The following SH3TC2 variants were observed in gnomAD, a reference collection of about 807,000 sequenced individuals.
SH3TC2 encodes SH3 domain and tetratricopeptide repeat-containing protein 2.
Under a neutral mutation model 124.5 loss-of-function variants are expected in SH3TC2, and 87 were observed. That is an observed-to-expected ratio of 0.70 (90% confidence interval 0.59 to 0.84). The LOEUF (loss-of-function observed/expected upper bound fraction) is 0.84, where lower values mean the gene tolerates loss of function less well. Among genes scored for constraint, SH3TC2 ranks in the 40% least tolerant of loss-of-function variants. The pLI, the probability that SH3TC2 is intolerant of heterozygous loss-of-function variation, is 0.00. For synonymous variants in SH3TC2, 634 were observed against 628.5 expected, an observed-to-expected ratio of 1.01 and a Z score of -0.13; for missense variants, 1,536 against 1,566.4, an observed-to-expected ratio of 0.98 and a Z score of 0.33.
At position 148,991,970 on chromosome 5, in the gene SH3TC2, G is replaced by A. The variant is rs1753426621; in HGVS notation, c.*12741C>T. On this transcript the variant is annotated 3_prime_UTR_variant, in exon 17 of 17. Transcript: ENST00000515425. Reference sequence around the variant, plus strand: ...AGAGCAACCCTAACATGTGTTGGGTGACCATGGGTAAGGCTTTCCCTTTTC... The same window carrying A: ...AGAGCAACCCTAACATGTGTTGGGTAACCATGGGTAAGGCTTTCCCTTTTC... Among the ~76,000 whole-genome samples, 8 of 152,174 alleles carry A rather than the reference G, an allele frequency of 5.3e-5. No homozygotes were observed. Among genetic ancestry groups the A allele is most frequent in the Admixed American group, 5.2e-4 (8 of 15,280 alleles).
chr5:149,026,248 A>C (rs1754060603), intron 12 of SH3TC2: 1 of 348,626 alleles, frequency 2.9e-6, no homozygotes, highest in Non-Finnish European at 5.4e-6. Flanking sequence ...GGCATTACTG[A>C]GACCTATCTA....
rs540778416 is a variant in SH3TC2 at position 149,054,383 on chromosome 5, G to A, written c.53-2143C>T. Reference sequence around the variant, plus strand: ...TTTATTTTACCTATGAATCACCTATGGATATTGATAAAATGCTGATTCTGC... The same window carrying A: ...TTTATTTTACCTATGAATCACCTATAGATATTGATAAAATGCTGATTCTGC... On this transcript the variant is annotated intron_variant, in intron 1 of 16. Coordinates refer to ENST00000515425, the MANE Select transcript of SH3TC2 (RefSeq NM_024577.4). Among the ~76,000 whole-genome samples the A allele has an allele frequency of 2.0e-5, 3 of 152,162 alleles. No homozygotes were observed. The East Asian group carries it at 5.8e-4, about 29-fold the overall frequency.
Position 148,983,428 on chromosome 5 carries a change from A to G in SH3TC2, c.*21283T>C, listed in dbSNP as rs1335221227. Among the ~76,000 whole-genome samples, 3 of 152,176 alleles carry G rather than the reference A, an allele frequency of 2.0e-5. No individual in the cohort carries two copies. The highest frequency in any genetic ancestry group is 4.4e-5 in the Non-Finnish European group (3 of 68,034). ...GGAGATAGCAAGGAGCACCAAGAAAAAATTTGCTGGGAATAGGAGCATCTT... is the reference window on the plus strand; with the variant it reads ...GGAGATAGCAAGGAGCACCAAGAAAGAATTTGCTGGGAATAGGAGCATCTT... On this transcript the variant is annotated 3_prime_UTR_variant, in exon 17 of 17. Coordinates refer to ENST00000515425, the MANE Select transcript of SH3TC2 (RefSeq NM_024577.4).
intron 12 of SH3TC2, 142 bp downstream of exon 12, chr5:149,026,430 G>C (rs1457553984): frequency 1.1e-6 from 1 of 931,254 alleles, no homozygotes; most frequent in East Asian, 2.4e-5. Context: ...TGGATGCATT[G>C]TGGTGGCTGC....
In SH3TC2 at chr5:148,988,523, C is replaced by A. The variant is rs1753370443; in HGVS notation, c.*16188G>T. Among the ~76,000 whole-genome samples the A allele has an allele frequency of 6.6e-6, 1 of 152,226 alleles. No individual in the cohort carries two copies. On this transcript the variant is annotated 3_prime_UTR_variant, in exon 17 of 17. Transcript: ENST00000515425. ...CTCTTGGAATGCACTCTCTTGGAAC[C>A]AGCCACCATGCTGTAAGACGGCCAA...
rs1753802105 is a variant in SH3TC2, at chr5:149,012,595, G to T, written c.3193C>A (p.Leu1065Met). The change falls in exon 13 of 17, where the codon CTG (leucine) becomes ATG (methionine). Residue 1065 changes from leucine (L) to methionine (M), a missense_variant. Around this residue, in one of 3 missense-constraint regions of SH3TC2, gnomAD observed 426 missense variants for 443.5 expected, o/e 0.96. Coordinates refer to ENST00000515425, the MANE Select transcript of SH3TC2 (RefSeq NM_024577.4). ...TGCAGGAGGCCTACCTGCAGGCACA[G>T]CTCCACCAGCTCGTCTTCCTGCATG... ...YLMQEDELVE[L>M]CLQAAIQTAL... is the part of the protein sequence containing the mutation. 2 of 1,614,126 alleles carry T rather than the reference G, an allele frequency of 1.2e-6. No homozygotes were observed. The highest frequency in any genetic ancestry group is 1.6e-4 in the Middle Eastern group (1 of 6,062).
chr5:149,042,486 A>T (rs1377524579), intron 5 of SH3TC2, among the ~76,000 whole-genome samples: 2 of 152,194 alleles, frequency 1.3e-5, no homozygotes, highest in Admixed American at 1.3e-4. Context: ...TTCTAACATC[A>T]ATCAGTGAGA....
rs921400515 is a variant in SH3TC2, at chr5:148,993,592, G to T, written c.*11119C>A. Among the ~76,000 whole-genome samples the T allele has an allele frequency of 2.6e-5, 4 of 152,198 alleles. No homozygotes were observed. Among genetic ancestry groups the T allele is most frequent in the African/African-American group, 9.6e-5 (4 of 41,536 alleles). On this transcript the variant is annotated 3_prime_UTR_variant, in exon 17 of 17. Coordinates refer to ENST00000515425, the MANE Select transcript of SH3TC2 (RefSeq NM_024577.4). The stretch of plus-strand genomic sequence containing the variant: ...CAAAACACCCTCAGCAATATATCAC[G>T]GAGGTCAAAACGTCTGCCAGACTAA...
intron 11 of SH3TC2, 34 bp from the exon 12 acceptor site, chr5:149,026,786 T>C (rs765100702): frequency 5.6e-6 from 9 of 1,614,176 alleles, no homozygotes; most frequent in Non-Finnish European, 6.8e-6. Flanking sequence ...ATGAGATGAC[T>C]TGAGATAGGA....
At chr5:149,048,845 C>T (rs1754510098) in intron 2 of SH3TC2, among the ~76,000 whole-genome samples, 1 of 152,190 alleles carries the variant, frequency 6.6e-6, no homozygotes, top group Admixed American at 6.5e-5. Context: ...TCGAGAAAGG[C>T]CATACTGAGG....
intron 1 of SH3TC2, among the ~76,000 whole-genome samples, chr5:149,060,834 C>A (rs1242370308): frequency 1.3e-5 from 2 of 152,130 alleles, no homozygotes; most frequent in South Asian, 2.1e-4. Flanking sequence ...GGGATAAGTA[C>A]CACCATTAGA....
chr5:149,052,157 G>A lies in SH3TC2; in HGVS notation c.136C>T (p.Gln46Ter). 6.2e-7 allele frequency: 1 copy of A among 1,610,814 alleles called. No homozygotes were observed. The highest frequency in any genetic ancestry group is 1.7e-5 in the Admixed American group (1 of 60,010). ...SEYKEKCFLP[Q>*]NINPDLTLSF... ...ATTTGGATACCTGGATTAATGTTCT[G>A]TGGCAGAAAACATTTTTCCTTGTAT... Residue 46 changes from glutamine (Q) to a stop codon, truncating the protein, a stop_gained, in exon 2 of 17, where the codon CAG becomes TAG. Coordinates refer to ENST00000515425, the MANE Select transcript of SH3TC2 (RefSeq NM_024577.4). LOFTEE classifies it high-confidence loss of function.
At position 148,997,269 on chromosome 5, in the gene SH3TC2, T is replaced by C. The variant is rs760685804; in HGVS notation, c.*7442A>G. ...GTCCATAGTCTTCTACGATTGGCTCTGGAGTCTCTTGCAAGTTTCCCTCAT... is the reference window on the plus strand; with the variant it reads ...GTCCATAGTCTTCTACGATTGGCTCCGGAGTCTCTTGCAAGTTTCCCTCAT... On this transcript the variant is annotated 3_prime_UTR_variant, in exon 17 of 17. Coordinates refer to ENST00000515425, the MANE Select transcript of SH3TC2 (RefSeq NM_024577.4). Among the ~76,000 whole-genome samples, 26 of 152,246 alleles carry C rather than the reference T, an allele frequency of 1.7e-4. No homozygotes were observed. Among genetic ancestry groups the C allele is most frequent in the Non-Finnish European group, 2.5e-4 (17 of 68,042 alleles).
In SH3TC2 at chr5:149,044,618, G is replaced by A. The variant is rs750101603; in HGVS notation, c.300C>T (p.Val100=). ...ACTGGGCCCTCTGAGACTGGATACT[G>A]ACCAACCTTGCTGAGAGGTCCTACG... is the stretch of plus-strand genomic sequence containing the variant. The part of the protein sequence containing the change: ...MLFKDLSARL[V]SIQSQRAQFL... The change falls in exon 4 of 17, where the codon GTC becomes GTT. Residue 100 remains valine (V), a synonymous_variant. Coordinates refer to ENST00000515425, the MANE Select transcript of SH3TC2 (RefSeq NM_024577.4). 7 of 1,613,990 alleles carry A rather than the reference G, an allele frequency of 4.3e-6. No individual in the cohort carries two copies. The South Asian group carries it at 5.5e-5, about 13-fold the overall frequency.
chr5:149,041,857 A>G (rs1219148182), intron 5 of SH3TC2, among the ~76,000 whole-genome samples: 1 of 152,230 alleles, frequency 6.6e-6, no homozygotes, highest in Non-Finnish European at 1.5e-5. Flanking sequence ...CTAATAATCT[A>G]TGAGAAAAAG....
intron 3 of SH3TC2, chr5:149,044,997 G>A: frequency 5.2e-6 from 1 of 192,482 alleles, no homozygotes; most frequent in Non-Finnish European, 1.1e-5. Context: ...AGTGTATGTG[G>A]GAGGATAAAG....
chr5:149,010,327 T>A lies in SH3TC2; in HGVS notation c.3270A>T (p.Ala1090=). 7 of 1,613,992 alleles carry A rather than the reference T, an allele frequency of 4.3e-6. No individual in the cohort carries two copies. The highest frequency in any genetic ancestry group is 5.9e-6 in the Non-Finnish European group (7 of 1,180,012). ...GGGTCCCATTGAAGAACACATCACC[T>A]GCTTCTTCATAAAGTTTGAGAGCCA... ...PLLALKLYEE[A]GDVFFNGTRH... The change falls in exon 14 of 17, where the codon GCA becomes GCT. Residue 1090 remains alanine (A), a synonymous_variant. Coordinates refer to ENST00000515425, the MANE Select transcript of SH3TC2 (RefSeq NM_024577.4).
intron 1 of SH3TC2, among the ~76,000 whole-genome samples, chr5:149,061,160 C>T (rs1754740403): frequency 6.6e-6 from 1 of 151,988 alleles, no homozygotes; most frequent in Admixed American, 6.5e-5. Flanking sequence ...TAATCAATGG[C>T]AAAAAGAAGG....
intron 1 of SH3TC2, among the ~76,000 whole-genome samples, chr5:149,061,109 G>C (rs528513255): frequency 2.0e-5 from 3 of 152,300 alleles, no homozygotes; most frequent in Admixed American, 2.0e-4. Flanking sequence ...TACATAGCAG[G>C]CTAACTCTTG....
Sources: gnomAD v4.1 joint callset for allele counts (sites outside exome capture counted in the v4.1 genomes callset) on GRCh38, gnomAD v4.1.1 for gene constraint, gnomAD v4.1.1 regional missense constraint, MANE v1.5 for transcripts, NCBI Gene and HGNC (gene_info 2026-07-23, HGNC 2026-07-21) for gene names.